Variants in STOML3 observed in about 807,000 individuals in gnomAD.
STOML3 encodes stomatin-like protein 3.
A neutral mutation model predicts 29.5 loss-of-function variants in STOML3; 31 were observed. The observed-to-expected ratio is 1.05, with a 90% CI of 0.79 to 1.42. STOML3 has a LOEUF of 1.42. Among genes scored for constraint, STOML3 ranks in the 40% most tolerant of loss-of-function variants. The pLI, the probability that STOML3 is intolerant of heterozygous loss-of-function variation, is 0.00. For synonymous variants in STOML3, 122 were observed against 139.8 expected (o/e 0.87, Z 0.90); for missense variants, 380 against 363.0 (o/e 1.05, Z -0.38).
intron 1 of STOML3, among the ~76,000 whole-genome samples, chr13:38,982,294 T>C (rs1881295475): frequency 6.6e-6 from 1 of 151,980 alleles, no homozygotes; most frequent in Non-Finnish European, 1.5e-5. Flanking sequence ...AAAATTGTCA[T>C]TATAAATTCT....
At chr13:38,987,020 A>C (rs1868598917) in intron 1 of STOML3, among the ~76,000 whole-genome samples, 1 of 152,154 alleles carries the variant, frequency 6.6e-6, no homozygotes, top group South Asian at 2.1e-4. Flanking sequence ...ATCAAAAAAG[A>C]ATAAAAGGGG....
At chr13:38,971,233 A>G (rs1880855899) in intron 4 of STOML3, among the ~76,000 whole-genome samples, 1 of 152,104 alleles carries the variant, frequency 6.6e-6, no homozygotes, top group Admixed American at 6.6e-5. Context: ...AGGTTTCGCC[A>G]TGTTGGCCAG....
intron 1 of STOML3, among the ~76,000 whole-genome samples, chr13:38,982,353 G>A (rs1438893830): frequency 6.6e-6 from 1 of 150,496 alleles, no homozygotes; most frequent in Non-Finnish European, 1.5e-5. Context: ...TTCATTAATG[G>A]GATATACTAG....
rs1239413274 is a variant in STOML3, at chr13:38,967,027, A to C, written c.674T>G (p.Met225Arg). The C allele has an allele frequency of 6.2e-7, 1 of 1,613,942 alleles. No homozygotes were observed. The highest frequency in any genetic ancestry group is 1.7e-5 in the Admixed American group (1 of 59,998). Reference protein sequence around the residue: ...RAKVLAAEGEMNASKSLKSAS... With the variant: ...RAKVLAAEGERNASKSLKSAS... ...TGACTTCAGGGATTTGGAAGCATTC[A>C]TTTCTCCTTCAGCTGCAAGGACCTG... Residue 225 changes from methionine to arginine, a missense_variant, in exon 7 of 7, where the codon ATG (methionine) becomes AGG (arginine). Physicochemically the swap from Met to Arg is moderately conservative, Grantham distance 91. Transcript: ENST00000379631.
At chr13:38,970,526 C>T (rs9315639) in intron 4 of STOML3, 138 bp from the exon 5 acceptor site, 240,704 of 664,290 alleles carry the variant, frequency 0.36, 45,702 homozygotes, top group East Asian at 0.53. Context: ...TAAAACCTGT[C>T]CTGGCTTGGA....
At chr13:38,984,208 C>G (rs1478601144) in intron 1 of STOML3, among the ~76,000 whole-genome samples, 1 of 151,930 alleles carries the variant, frequency 6.6e-6, no homozygotes, top group African/African-American at 2.4e-5. Context: ...ATGAAGGAGT[C>G]AAGCCATGTG....
intron 1 of STOML3, among the ~76,000 whole-genome samples, chr13:38,988,375 T>G (rs186413619): frequency 0.017 from 1,024 of 60,788 alleles, 90 homozygotes; most frequent in African/African-American, 0.069. Context: ...TATAATATAT[T>G]ATATTTTATA....
At chr13:38,968,072 G>A (rs978950108) in intron 6 of STOML3, among the ~76,000 whole-genome samples, 2 of 152,186 alleles carry the variant, frequency 1.3e-5, no homozygotes, top group Non-Finnish European at 1.5e-5. Context: ...TGGGTTTGAA[G>A]TAAGGCTTGG....
In STOML3 at chr13:38,966,700, G is replaced by T. The variant is rs1455284923; in HGVS notation, c.*125C>A. ...GCCTCTAGAGCTTTTTCCTGCCAAT[G>T]CTCTTCCATCTATGGAGTTACTGTT... On this transcript the variant is annotated 3_prime_UTR_variant, in exon 7 of 7. Coordinates refer to ENST00000379631, the MANE Select transcript of STOML3 (RefSeq NM_145286.3). The T allele has an allele frequency of 4.9e-6, 4 of 816,486 alleles. No homozygotes were observed. Among genetic ancestry groups the T allele is most frequent in the Non-Finnish European group, 7.9e-6 (4 of 508,004 alleles). 50.6% of individuals were successfully genotyped at this position (816,486 alleles called of 1,614,324 possible). A position where few individuals can be genotyped will look rare whatever the true frequency, so the allele number is the denominator to read the frequency against.
At chr13:38,975,284 G>T (rs889822677) in intron 3 of STOML3, among the ~76,000 whole-genome samples, 2 of 149,872 alleles carry the variant, frequency 1.3e-5, no homozygotes, top group South Asian at 2.1e-4. Context: ...TCACGCCACT[G>T]CACTCCAGCC....
intron 3 of STOML3, 71 bp from the exon 4 acceptor site, chr13:38,972,665 A>G (rs1880920887): frequency 7.4e-7 from 1 of 1,350,918 alleles, no homozygotes; most frequent in Non-Finnish European, 1.1e-6. Context: ...ATAGCAGCAT[A>G]GTGCATCATT....
intron 3 of STOML3, 111 bp from the exon 4 acceptor site, chr13:38,972,705 A>T (rs1880922644): frequency 1.1e-6 from 1 of 872,878 alleles, no homozygotes. Flanking sequence ...TTCTCAGATG[A>T]TCCTCAATAT....
chr13:38,974,521 C>T (rs1318613432), intron 3 of STOML3, among the ~76,000 whole-genome samples: 2 of 152,056 alleles, frequency 1.3e-5, no homozygotes, highest in African/African-American at 2.4e-5. Flanking sequence ...TATATATAAG[C>T]TGGTAGTGAA....
intron 3 of STOML3, among the ~76,000 whole-genome samples, chr13:38,973,926 T>C (rs1880980628): frequency 6.6e-6 from 1 of 152,178 alleles, no homozygotes; most frequent in South Asian, 2.1e-4. Flanking sequence ...TGAAGGATTA[T>C]TGAATTAAAA....
chr13:38,978,920 G>A (rs1284545821), intron 1 of STOML3, among the ~76,000 whole-genome samples: 1 of 152,166 alleles, frequency 6.6e-6, no homozygotes. Flanking sequence ...ATACAATTTT[G>A]ATAGATGATA....
chr13:38,988,285 TTATATTTTATATCA>T (rs1254377582), intron 1 of STOML3, among the ~76,000 whole-genome samples: 3 of 80,946 alleles, frequency 3.7e-5, no homozygotes, highest in African/African-American at 1.9e-4. Flanking sequence ...ATAAAATATA[TTATATTTTATATCA>T]TATATTTTAT....
At chr13:38,981,447 CT>C (rs910024459) in intron 1 of STOML3, among the ~76,000 whole-genome samples, 1 of 152,110 alleles carries the variant, frequency 6.6e-6, no homozygotes, top group African/African-American at 2.4e-5. Context: ...ACTAGCCCAA[CT>C]TAAATTATAT....
chr13:38,988,137 CAT>C (rs1566211386), intron 1 of STOML3, among the ~76,000 whole-genome samples: 1 of 60,946 alleles, frequency 1.6e-5, no homozygotes, highest in African/African-American at 1.0e-4. Flanking sequence ...TATTTTATAT[CAT>C]ATATTTTATA....
chr13:38,980,135 G>A lies in STOML3; in HGVS notation c.53-3338C>T, dbSNP rs565923630. 6.4e-6 allele frequency: 10 copies of A among 1,551,308 alleles called. No individual in the cohort carries two copies. In the Admixed American group the frequency reaches 1.8e-4, roughly 27 times the overall value. ...CTCAGCTCCATTAGGTAATAGACGT[G>A]CTGAGAGAGACAAGAGAAGAGAATG... On this transcript the variant is annotated intron_variant, in intron 1 of 6. Coordinates refer to ENST00000379631, the MANE Select transcript of STOML3 (RefSeq NM_145286.3).
Sources: allele counts gnomAD v4.1 joint callset (sites outside exome capture counted in the v4.1 genomes callset), GRCh38; gene constraint gnomAD v4.1.1; transcripts MANE v1.5; gene names NCBI Gene and HGNC (gene_info 2026-07-23, HGNC 2026-07-21).